The following OMA1 variants were observed in gnomAD, a reference collection of about 807,000 sequenced individuals.
OMA1 encodes metalloendopeptidase OMA1, mitochondrial.
A neutral mutation model predicts 30.9 loss-of-function variants in OMA1; 38 were observed. That is an observed-to-expected ratio of 1.23 (90% CI 0.95 to 1.61). OMA1 has a LOEUF of 1.61. Among genes scored for constraint, OMA1 ranks in the 40% most tolerant of loss-of-function variants. The pLI, the probability that OMA1 is intolerant of heterozygous loss-of-function variation, is 0.00. For synonymous variants in OMA1, 173 were observed against 121.9 expected (o/e 1.42, Z -2.76); for missense variants, 461 against 349.2 (o/e 1.32, Z -2.55).
At chr1:58,484,992 A>G (rs1645549590) in intron 8 of OMA1, among the ~76,000 whole-genome samples, 2 of 152,044 alleles carry the variant, frequency 1.3e-5, no homozygotes, top group Admixed American at 1.3e-4. Flanking sequence ...GTCATTATAC[A>G]TTTGTCAAAA....
chr1:58,524,616 C>T (rs1646321153), intron 7 of OMA1, among the ~76,000 whole-genome samples: 1 of 152,122 alleles, frequency 6.6e-6, no homozygotes. Context: ...TTTTCTTTTC[C>T]TTTTTTCAAC....
At chr1:58,481,766 T>C (rs902663419) in intron 8 of OMA1, among the ~76,000 whole-genome samples, 1 of 152,138 alleles carries the variant, frequency 6.6e-6, no homozygotes, top group African/African-American at 2.4e-5. Context: ...AGTGATTAAG[T>C]CTCACGAGAT....
At position 58,536,558 on chromosome 1, in the gene OMA1, C is replaced by T; in HGVS notation, c.684G>A (p.Leu228=). ...ATAAAAGTCTGAACTGTTCTTTCCCCAATAATAGTAGCTTGCTCCTTCCTG... is the reference window on the plus strand; with the variant it reads ...ATAAAAGTCTGAACTGTTCTTTCCCTAATAATAGTAGCTTGCTCCTTCCTG... ...PITGRSKLLL[L]GKEQFRLLSE... is the part of the protein sequence containing the mutation. The change falls in exon 3 of 9, where the codon TTG becomes TTA. Residue 228 remains leucine, a synonymous_variant. Coordinates refer to ENST00000371226, the MANE Select transcript of OMA1 (RefSeq NM_145243.5). 1 of 872,780 alleles carries T rather than the reference C, an allele frequency of 1.1e-6. No homozygotes were observed. Among genetic ancestry groups the T allele is most frequent in the Admixed American group, 1.7e-5 (1 of 59,186 alleles). The allele number at this position is 872,780 out of a possible 1,614,324, so 54.1% of individuals were successfully genotyped here. A position where few individuals can be genotyped will look rare whatever the true frequency, so the allele number is the denominator to read the frequency against.
chr1:58,539,458 C>T, intron 1 of OMA1, 148 bp from the exon 2 acceptor site: 1 of 583,150 alleles, frequency 1.7e-6, no homozygotes, highest in East Asian at 2.8e-5. Flanking sequence ...ACCCCTAGAG[C>T]AACGCCTTTC....
Position 58,480,797 on chromosome 1 carries a change from T to A in OMA1, c.*168A>T. On this transcript the variant is annotated 3_prime_UTR_variant, in exon 9 of 9. Coordinates refer to ENST00000371226, the MANE Select transcript of OMA1 (RefSeq NM_145243.5). ...TAACATAGATTAAAATACATCAATA[T>A]TTCATGAAAAATAAATTCTAGAAGA... 1 of 511,760 alleles carries A rather than the reference T, an allele frequency of 2.0e-6. No individual in the cohort carries two copies. Among genetic ancestry groups the A allele is most frequent in the Non-Finnish European group, 3.3e-6 (1 of 299,538 alleles). 31.7% of individuals were successfully genotyped at this position (511,760 alleles called of 1,614,324 possible).
chr1:58,499,427 G>A (rs112057688), intron 8 of OMA1, among the ~76,000 whole-genome samples: 1 of 151,044 alleles, frequency 6.6e-6, no homozygotes, highest in African/African-American at 2.4e-5. Context: ...CAAAGCTGCA[G>A]TGAACTATGA....
At chr1:58,536,274 G>C (rs886422169) in intron 3 of OMA1, among the ~76,000 whole-genome samples, 2 of 152,094 alleles carry the variant, frequency 1.3e-5, no homozygotes, top group Admixed American at 1.3e-4. Context: ...GTTTTCCTGA[G>C]AAAAGTGACA....
intron 8 of OMA1, among the ~76,000 whole-genome samples, chr1:58,503,404 T>A (rs1569905335): frequency 6.6e-6 from 1 of 152,314 alleles, no homozygotes; most frequent in African/African-American, 2.4e-5. Context: ...CTACATATTA[T>A]ATCAGGTAAA....
chr1:58,544,573 C>T (rs1646671537), intron 1 of OMA1, among the ~76,000 whole-genome samples: 1 of 152,142 alleles, frequency 6.6e-6, no homozygotes, highest in South Asian at 2.1e-4. Context: ...ACTCAGGCAA[C>T]TATTTCTGTA....
chr1:58,481,297 G>A, intron 8 of OMA1, 123 bp from the exon 9 acceptor site: 1 of 411,870 alleles, frequency 2.4e-6, no homozygotes, highest in Non-Finnish European at 4.2e-6. Context: ...TTTAATAAAA[G>A]GTATCTTGAT....
intron 7 of OMA1, among the ~76,000 whole-genome samples, chr1:58,519,219 T>C (rs542893658): frequency 6.6e-6 from 1 of 152,334 alleles, no homozygotes; most frequent in East Asian, 1.9e-4. Context: ...CCTCAAACAC[T>C]GACAAACCAG....
chr1:58,503,543 C>A (rs1645941748), intron 8 of OMA1, among the ~76,000 whole-genome samples: 1 of 151,980 alleles, frequency 6.6e-6, no homozygotes, highest in Non-Finnish European at 1.5e-5. Flanking sequence ...AATTCCAACT[C>A]CCAATGTGAT....
chr1:58,517,058 C>T (rs1646168966), intron 7 of OMA1, among the ~76,000 whole-genome samples: 2 of 152,132 alleles, frequency 1.3e-5, no homozygotes, highest in African/African-American at 4.8e-5. Flanking sequence ...ATACAAGCCA[C>T]AAATAAGAAT....
intron 8 of OMA1, among the ~76,000 whole-genome samples, chr1:58,481,699 T>C (rs200736507): frequency 9.1e-6 from 1 of 109,398 alleles, no homozygotes; most frequent in Non-Finnish European, 2.1e-5. Flanking sequence ...AATTCCCACA[T>C]GTCATGGGAG....
At chr1:58,514,204 A>AT (rs757224485) in intron 7 of OMA1, among the ~76,000 whole-genome samples, 35 of 152,206 alleles carry the variant, frequency 2.3e-4, no homozygotes, top group Non-Finnish European at 4.6e-4. Flanking sequence ...GAGAATATAA[A>AT]TGTATATGAA....
chr1:58,541,820 T>A (rs1431029533), intron 1 of OMA1, among the ~76,000 whole-genome samples: 4 of 152,138 alleles, frequency 2.6e-5, no homozygotes, highest in Non-Finnish European at 5.9e-5. Context: ...TTTCAAATTG[T>A]ACAGCAAAGG....
chr1:58,518,049 G>A (rs1261763787), intron 7 of OMA1, among the ~76,000 whole-genome samples: 1 of 151,070 alleles, frequency 6.6e-6, no homozygotes, highest in Admixed American at 6.6e-5. Context: ...AGCTAGGCAT[G>A]GTGGCACATG....
intron 8 of OMA1, among the ~76,000 whole-genome samples, chr1:58,497,777 T>TTG (rs1645829133): frequency 6.6e-6 from 1 of 152,198 alleles, no homozygotes; most frequent in African/African-American, 2.4e-5. Flanking sequence ...AACCTTACCC[T>TTG]TGCTCACTGC....
chr1:58,536,862 T>G (rs927554423), intron 2 of OMA1, 121 bp from the exon 3 acceptor site: 10 of 629,802 alleles, frequency 1.6e-5, no homozygotes, highest in Non-Finnish European at 2.5e-5. Context: ...TGTATTTCGC[T>G]GAATACATCG....
Sources: gnomAD v4.1 joint callset for allele counts (sites outside exome capture counted in the v4.1 genomes callset) on GRCh38, gnomAD v4.1.1 for gene constraint, MANE v1.5 for transcripts, NCBI Gene and HGNC (gene_info 2026-07-23, HGNC 2026-07-21) for gene names.